The following IL19 variants were observed in gnomAD, a reference collection of about 807,000 sequenced individuals.
IL19 encodes the protein interleukin 19.
A neutral mutation model predicts 19.5 loss-of-function variants in IL19; 15 were observed. That is an observed-to-expected ratio of 0.77 (90% CI 0.52 to 1.19). The LOEUF (loss-of-function observed/expected upper bound fraction) is 1.19, where lower values mean the gene tolerates loss of function less well. IL19 is among the 50% of genes most tolerant of loss of function. IL19 has a pLI of 0.00. For missense variants in IL19, 199 were observed against 213.1 expected (o/e 0.93, Z 0.41); for synonymous variants, 78 against 78.3 (o/e 1.00, Z 0.02).
chr1:206,809,188 C>A (rs1675936848), intron 2 of IL19, among the ~76,000 whole-genome samples: 1 of 152,182 alleles, frequency 6.6e-6, no homozygotes, highest in Admixed American at 6.5e-5. Flanking sequence ...CAGACCTGGG[C>A]TGGAATACCT....
rs77198949 is a variant in IL19, at chr1:206,838,064, G to T, written c.210+1041G>T. On this transcript the variant is annotated intron_variant, in intron 4 of 6. Coordinates refer to ENST00000659997, the MANE Select transcript of IL19 (RefSeq NM_153758.5). ...AATAGCAGCAATAGAGAGTCAATGA[G>T]ATTTTTGAGCCCAAAGTTATATGAT... 1.4e-4 allele frequency among the ~76,000 whole-genome samples: 21 copies of T among 152,340 alleles called. No individual in the cohort carries two copies. The East Asian group carries it at 3.9e-3, about 28-fold the overall frequency.
intron 2 of IL19, chr1:206,834,060 T>TA: frequency 2.0e-6 from 2 of 985,582 alleles, no homozygotes; most frequent in Non-Finnish European, 2.4e-6. Flanking sequence ...GAAAGTGACC[T>TA]AAGTTGGATT....
At chr1:206,784,971 G>A (rs1050694199) in intron 1 of IL19, among the ~76,000 whole-genome samples, 2 of 152,230 alleles carry the variant, frequency 1.3e-5, no homozygotes, top group Non-Finnish European at 2.9e-5. Context: ...GATTCCCGTG[G>A]CAGAGCACAG....
chr1:206,772,937 T>G lies in IL19; in HGVS notation c.-149+1859T>G, dbSNP rs1168632244. Among the ~76,000 whole-genome samples, 4 of 152,194 alleles carry G rather than the reference T, an allele frequency of 2.6e-5. No homozygotes were observed. In the East Asian group the frequency reaches 7.7e-4, roughly 29 times the overall value. On this transcript the variant is annotated intron_variant, in intron 1 of 6. Coordinates refer to ENST00000659997, the MANE Select transcript of IL19 (RefSeq NM_153758.5). ...ATACCCAAGACTTCTCCTTGCTAAC[T>G]TAGGCAGTCACCTTAGGTCTCTGGG... is the stretch of plus-strand genomic sequence containing the variant.
intron 1 of IL19, among the ~76,000 whole-genome samples, chr1:206,773,354 C>T (rs2102441999): frequency 6.6e-6 from 1 of 152,334 alleles, no homozygotes; most frequent in Admixed American, 6.5e-5. Context: ...CCCTACTGTA[C>T]ACCATCTCCA....
chr1:206,811,874 A>G (rs1181833387), intron 2 of IL19, among the ~76,000 whole-genome samples: 1 of 152,230 alleles, frequency 6.6e-6, no homozygotes, highest in South Asian at 2.1e-4. Flanking sequence ...ATGAATTCTG[A>G]GTGCAGATTT....
At chr1:206,771,184 G>A in intron 1 of IL19, 106 bp downstream of exon 1, 1 of 1,234,322 alleles carries the variant, frequency 8.1e-7, no homozygotes, top group Non-Finnish European at 1.2e-6. Flanking sequence ...CCTCCCCGAA[G>A]GGACTGAGCC....
chr1:206,772,513 C>T (rs1674883867), intron 1 of IL19: 6 of 1,348,898 alleles, frequency 4.4e-6, no homozygotes, highest in Admixed American at 1.7e-5. Flanking sequence ...ACCTCTCTGT[C>T]CCCCTTTTAT....
intron 1 of IL19, among the ~76,000 whole-genome samples, chr1:206,783,879 A>C (rs1675204875): frequency 6.6e-6 from 1 of 152,188 alleles, no homozygotes; most frequent in Admixed American, 6.5e-5. Flanking sequence ...GTGCTGTCGT[A>C]GTGTTGCAAG....
intron 1 of IL19, among the ~76,000 whole-genome samples, chr1:206,793,919 G>A (rs900295014): frequency 1.3e-5 from 2 of 152,110 alleles, no homozygotes; most frequent in Non-Finnish European, 2.9e-5. Context: ...GAAGGAGAGT[G>A]GGGACAGGGA....
intron 1 of IL19, among the ~76,000 whole-genome samples, chr1:206,792,051 GA>G (rs1361997042): frequency 6.6e-6 from 1 of 152,222 alleles, no homozygotes; most frequent in Non-Finnish European, 1.5e-5. Flanking sequence ...CTCACGGGCA[GA>G]TGCCCACTTC....
intron 1 of IL19, among the ~76,000 whole-genome samples, chr1:206,778,400 C>G (rs1292890078): frequency 6.6e-6 from 1 of 152,130 alleles, no homozygotes; most frequent in Non-Finnish European, 1.5e-5. Flanking sequence ...TGCATGACTA[C>G]CTAGGATAAC....
intron 1 of IL19, among the ~76,000 whole-genome samples, chr1:206,773,161 A>G (rs761303031): frequency 1.3e-5 from 2 of 152,012 alleles, no homozygotes; most frequent in Non-Finnish European, 2.9e-5. Flanking sequence ...CCCCACCCCA[A>G]CTGTGCTTGG....
chr1:206,796,258 T>C (rs184792732), intron 1 of IL19, among the ~76,000 whole-genome samples: 4 of 152,324 alleles, frequency 2.6e-5, no homozygotes, highest in Non-Finnish European at 1.5e-5. Context: ...CCACTTACAC[T>C]GGCAGGGGCA....
At chr1:206,797,493 G>A (rs1675553395) in intron 1 of IL19, among the ~76,000 whole-genome samples, 2 of 152,210 alleles carry the variant, frequency 1.3e-5, no homozygotes, top group South Asian at 2.1e-4. Context: ...CTTATCCTGA[G>A]CCCTTTACTG....
intron 2 of IL19, among the ~76,000 whole-genome samples, chr1:206,830,257 A>G (rs1447933489): frequency 6.6e-6 from 1 of 152,148 alleles, no homozygotes; most frequent in Non-Finnish European, 1.5e-5. Flanking sequence ...TGAACATTGA[A>G]CTGAGTTATC....
intron 1 of IL19, among the ~76,000 whole-genome samples, chr1:206,774,694 C>T (rs1674947707): frequency 2.0e-5 from 3 of 152,218 alleles, no homozygotes; most frequent in Admixed American, 6.5e-5. Context: ...CAGCTTTGAG[C>T]TCCCTGAAAC....
At chr1:206,790,060 G>A (rs1250458081) in intron 1 of IL19, among the ~76,000 whole-genome samples, 1 of 152,028 alleles carries the variant, frequency 6.6e-6, no homozygotes, top group Non-Finnish European at 1.5e-5. Context: ...CCCAGTAGTG[G>A]GATTGCAGGA....
chr1:206,778,856 C>T (rs1402702773), intron 1 of IL19, among the ~76,000 whole-genome samples: 1 of 152,166 alleles, frequency 6.6e-6, no homozygotes, highest in Non-Finnish European at 1.5e-5. Context: ...ACCAGAACCT[C>T]CACATTTTTC....
Sources: gnomAD v4.1 joint callset for allele counts (sites outside exome capture counted in the v4.1 genomes callset) on GRCh38, gnomAD v4.1.1 for gene constraint, MANE v1.5 for transcripts, NCBI Gene and HGNC (gene_info 2026-07-23, HGNC 2026-07-21) for gene names.